The following B4GALNT3 variants were observed in gnomAD, a reference collection of about 807,000 sequenced individuals.
The protein encoded by B4GALNT3 is beta-1,4-N-acetylgalactosaminyltransferase 3.
A neutral mutation model predicts 120.2 loss-of-function variants in B4GALNT3; 86 were observed. The observed-to-expected ratio is 0.72, with a 90% CI of 0.60 to 0.86. B4GALNT3 has a LOEUF of 0.86. Ranked by LOEUF, B4GALNT3 falls within the 40% of genes least tolerant of loss-of-function variation. B4GALNT3 has a pLI of 0.00. For synonymous variants in B4GALNT3, 518 were observed against 510.4 expected (o/e 1.01, Z -0.20); for missense variants, 1,167 against 1,298.9 (o/e 0.90, Z 1.56).
rs1295429402 is a variant in B4GALNT3 at position 561,983 on chromosome 12, G to A, written c.*532G>A. 1 of 152,514 alleles carries A rather than the reference G, an allele frequency of 6.6e-6. No individual in the cohort carries two copies. Among genetic ancestry groups the A allele is most frequent in the Non-Finnish European group, 1.5e-5 (1 of 68,166 alleles). 9.4% of individuals were successfully genotyped at this position (152,514 alleles called of 1,614,324 possible). On this transcript the variant is annotated 3_prime_UTR_variant, in exon 20 of 20. Coordinates refer to ENST00000266383, the MANE Select transcript of B4GALNT3 (RefSeq NM_173593.4). ...CCTATGTCCCTTGGGCGTTGTCCCT[G>A]GCCGCGGGACTGGTCCCACGTGGGG... is the stretch of plus-strand genomic sequence containing the variant.
chr12:502,218 C>T (rs1946450503), intron 1 of B4GALNT3, among the ~76,000 whole-genome samples: 1 of 152,152 alleles, frequency 6.6e-6, no homozygotes, highest in Non-Finnish European at 1.5e-5. Flanking sequence ...ATTGCATTCC[C>T]CCCGGGCATG....
intron 1 of B4GALNT3, among the ~76,000 whole-genome samples, chr12:524,105 G>C (rs1307763802): frequency 6.6e-6 from 1 of 152,162 alleles, no homozygotes; most frequent in East Asian, 1.9e-4. Flanking sequence ...CTGATCCGTG[G>C]TGGGATGGTT....
intron 1 of B4GALNT3, among the ~76,000 whole-genome samples, chr12:508,235 T>C (rs951559798): frequency 5.3e-5 from 8 of 152,248 alleles, no homozygotes; most frequent in East Asian, 1.9e-4. Context: ...AAGGTGTCTC[T>C]GTTACCTCAG....
intron 3 of B4GALNT3, among the ~76,000 whole-genome samples, chr12:537,468 G>T (rs1316815347): frequency 6.6e-6 from 1 of 152,060 alleles, no homozygotes; most frequent in Non-Finnish European, 1.5e-5. Context: ...TATTGCCCAG[G>T]CTGACCTCAA....
intron 2 of B4GALNT3, 152 bp downstream of exon 2, chr12:535,421 C>T (rs1290874584): frequency 3.4e-6 from 2 of 588,664 alleles, no homozygotes; most frequent in Non-Finnish European, 5.9e-6. Context: ...CTCAGGACCT[C>T]CTAGCTGAGC....
At chr12:524,392 T>C (rs4980932) in intron 1 of B4GALNT3, among the ~76,000 whole-genome samples, 117,487 of 152,158 alleles carry the variant, frequency 0.77, 45,665 homozygotes, top group East Asian at 0.98. Flanking sequence ...GTTTTCAAGC[T>C]TGATGCAGAA....
intron 14 of B4GALNT3, among the ~76,000 whole-genome samples, chr12:555,830 G>C (rs1592058602): frequency 6.6e-6 from 1 of 151,812 alleles, no homozygotes; most frequent in Non-Finnish European, 1.5e-5. Context: ...TGTCGCCCAG[G>C]CTGGAGTGCA....
chr12:491,178 A>G (rs1398570162), intron 1 of B4GALNT3, among the ~76,000 whole-genome samples: 1 of 152,198 alleles, frequency 6.6e-6, no homozygotes, highest in Non-Finnish European at 1.5e-5. Flanking sequence ...ATTATACATC[A>G]TGGCCATTTT....
chr12:526,234 C>T (rs1197646594), intron 1 of B4GALNT3, among the ~76,000 whole-genome samples: 1 of 152,196 alleles, frequency 6.6e-6, no homozygotes, highest in East Asian at 1.9e-4. Context: ...AACAGGTGCT[C>T]AGTAAATGCC....
chr12:550,819 C>A lies in B4GALNT3; in HGVS notation c.998-103C>A. 1.1e-6 allele frequency: 1 copy of A among 938,276 alleles called. No individual in the cohort carries two copies. The highest frequency in any genetic ancestry group is 1.6e-6 in the Non-Finnish European group (1 of 613,520). The allele number at this position is 938,276 out of a possible 1,614,324, so 58.1% of individuals were successfully genotyped here. Reference sequence around the variant, plus strand: ...AGCCACAGACGTCGGCAGAACACAGCTGCCGCTTGCGAATACAGAAAGGGC... The same window carrying A: ...AGCCACAGACGTCGGCAGAACACAGATGCCGCTTGCGAATACAGAAAGGGC... On this transcript the variant is annotated intron_variant, in intron 10 of 19. Coordinates refer to ENST00000266383, the MANE Select transcript of B4GALNT3 (RefSeq NM_173593.4). The surrounding 1 kb of genome is among the most constrained non-coding windows in gnomAD (Gnocchi z 4.1).
chr12:502,624 G>T (rs192038644), intron 1 of B4GALNT3, among the ~76,000 whole-genome samples: 124 of 152,310 alleles, frequency 8.1e-4, no homozygotes, highest in South Asian at 2.1e-3. Context: ...CATGAAGCAA[G>T]GGAAGTTAAA....
At chr12:502,131 G>C (rs969720288) in intron 1 of B4GALNT3, among the ~76,000 whole-genome samples, 7 of 152,232 alleles carry the variant, frequency 4.6e-5, no homozygotes, top group Admixed American at 1.3e-4. Flanking sequence ...CAGACACACA[G>C]AATGAGGATT....
chr12:486,071 C>T (rs2065413930), intron 1 of B4GALNT3, among the ~76,000 whole-genome samples: 1 of 152,148 alleles, frequency 6.6e-6, no homozygotes, highest in South Asian at 2.1e-4. Context: ...TTCCAGGGGA[C>T]TCAGTCCCAA....
intron 1 of B4GALNT3, among the ~76,000 whole-genome samples, chr12:466,993 C>T (rs1946087576): frequency 6.6e-6 from 1 of 151,636 alleles, no homozygotes; most frequent in Non-Finnish European, 1.5e-5. Flanking sequence ...CCGGTGGGGG[C>T]GGTGCTATGA....
At chr12:525,140 G>A (rs1415727741) in intron 1 of B4GALNT3, among the ~76,000 whole-genome samples, 3 of 147,722 alleles carry the variant, frequency 2.0e-5, no homozygotes, top group Non-Finnish European at 3.0e-5. Context: ...ACGGAGTCTC[G>A]CTCTGTCGCC....
chr12:521,969 CTTT>C (rs11421108), intron 1 of B4GALNT3, among the ~76,000 whole-genome samples: 1 of 146,490 alleles, frequency 6.8e-6, no homozygotes, highest in South Asian at 2.2e-4. Flanking sequence ...CTCAGAAGTT[CTTT>C]TTTTTTTTTT....
chr12:505,072 T>G (rs1368673852), intron 1 of B4GALNT3, among the ~76,000 whole-genome samples: 1 of 151,924 alleles, frequency 6.6e-6, no homozygotes, highest in Non-Finnish European at 1.5e-5. Flanking sequence ...TTCTGTATTT[T>G]TAGTAGAGAC....
At chr12:528,328 C>T (rs1390884790) in intron 1 of B4GALNT3, among the ~76,000 whole-genome samples, 1 of 152,120 alleles carries the variant, frequency 6.6e-6, no homozygotes, top group Non-Finnish European at 1.5e-5. Context: ...TGGGCTCAAG[C>T]CATCCTCCCA....
intron 19 of B4GALNT3, among the ~76,000 whole-genome samples, chr12:561,080 A>T (rs1413185617): frequency 6.6e-6 from 1 of 152,252 alleles, no homozygotes; most frequent in African/African-American, 2.4e-5. Flanking sequence ...AGAATTCTAT[A>T]TCACACATTA....
Sources: gnomAD v4.1 joint callset for allele counts (sites outside exome capture counted in the v4.1 genomes callset) on GRCh38, gnomAD v4.1.1 for gene constraint, Gnocchi (gnomAD v3.1) non-coding constraint, MANE v1.5 for transcripts, NCBI Gene and HGNC (gene_info 2026-07-23, HGNC 2026-07-21) for gene names.